PTPN20: variants seen among roughly 807,000 people sequenced by gnomAD.
PTPN20 encodes the protein protein tyrosine phosphatase non-receptor type 20.
A neutral mutation model predicts 35.0 loss-of-function variants in PTPN20; 9 were observed. The ratio of observed to expected loss-of-function variants is 0.26; its 90% CI spans 0.15 to 0.45. The LOEUF (loss-of-function observed/expected upper bound fraction) is 0.45, where lower values mean the gene tolerates loss of function less well. Ranked by LOEUF, PTPN20 falls within the 20% of genes least tolerant of loss-of-function variation. The pLI, the probability that PTPN20 is intolerant of heterozygous loss-of-function variation, is 1.00. For missense variants in PTPN20, 111 were observed against 312.5 expected, an observed-to-expected ratio of 0.36 and a Z score of 4.86; for synonymous variants, 32 against 100.2, an observed-to-expected ratio of 0.32 and a Z score of 4.06.
intron 1 of PTPN20, chr10:46,925,910 A>G (rs1255544513): frequency 8.4e-6 from 8 of 956,542 alleles, no homozygotes; most frequent in South Asian, 4.8e-5. Flanking sequence ...GCATATGTGG[A>G]CCCATGGGTA....
chr10:46,997,997 T>C lies in PTPN20; in HGVS notation c.1135-1915T>C, dbSNP rs552522664. Among the ~76,000 whole-genome samples, 433 of 152,304 alleles carry C rather than the reference T, an allele frequency of 2.8e-3. 1 individual carries two copies. Among genetic ancestry groups the C allele is most frequent in the South Asian group, 7.0e-3 (34 of 4,824 alleles). On this transcript the variant is annotated intron_variant, in intron 9 of 10. Coordinates refer to ENST00000374339, the MANE Select transcript of PTPN20 (RefSeq NM_001042357.5). ...CTGTATTGCTCATACATTACCCATA[T>C]GTATGAGACATTGGGAATGTAGACT...
chr10:46,975,592 T>A (rs1360696158), intron 7 of PTPN20, among the ~76,000 whole-genome samples: 3 of 152,028 alleles, frequency 2.0e-5, no homozygotes, highest in Non-Finnish European at 4.4e-5. Context: ...GAGAGAGATC[T>A]GGGATTCAAA....
At chr10:46,999,313 G>T (rs972849037) in intron 9 of PTPN20, among the ~76,000 whole-genome samples, 1 of 152,120 alleles carries the variant, frequency 6.6e-6, no homozygotes, top group Non-Finnish European at 1.5e-5. Flanking sequence ...CACCTGAGCT[G>T]GTCTATATCC....
intron 5 of PTPN20, among the ~76,000 whole-genome samples, chr10:46,950,907 G>T (rs2046432657): frequency 6.6e-6 from 1 of 151,392 alleles, no homozygotes; most frequent in Non-Finnish European, 1.5e-5. Flanking sequence ...TATTATATAG[G>T]TTAAGACATA....
intron 7 of PTPN20, among the ~76,000 whole-genome samples, chr10:46,968,435 G>A (rs1366311522): frequency 1.3e-5 from 2 of 150,738 alleles, no homozygotes; most frequent in Admixed American, 6.6e-5. Context: ...AGAGCTATTT[G>A]CATCCTTCAT....
intron 7 of PTPN20, among the ~76,000 whole-genome samples, chr10:46,976,796 C>T (rs1245621175): frequency 1.5e-5 from 2 of 135,334 alleles, no homozygotes; most frequent in African/African-American, 2.7e-5. Context: ...CTTATAAAAC[C>T]TTTTCTCGTT....
chr10:46,984,143 G>T, intron 7 of PTPN20, 87 bp from the exon 8 acceptor site: 1 of 997,426 alleles, frequency 1.0e-6, no homozygotes, highest in South Asian at 1.3e-5. Flanking sequence ...GAGATATATG[G>T]ATTTACATGT....
chr10:46,959,590 G>T (rs1479310316), intron 5 of PTPN20, among the ~76,000 whole-genome samples: 2 of 132,250 alleles, frequency 1.5e-5, no homozygotes, highest in South Asian at 2.5e-4. Flanking sequence ...TTGCCTTACT[G>T]TCTCCTTTTG....
chr10:46,996,476 A>G (rs2059125684), intron 9 of PTPN20, among the ~76,000 whole-genome samples: 1 of 152,214 alleles, frequency 6.6e-6, no homozygotes, highest in Admixed American at 6.5e-5. Flanking sequence ...TAAAGAAGTT[A>G]CAGTTTTTAA....
intron 9 of PTPN20, among the ~76,000 whole-genome samples, chr10:46,995,238 T>G (rs2058832662): frequency 6.6e-6 from 1 of 152,122 alleles, no homozygotes; most frequent in African/African-American, 2.4e-5. Flanking sequence ...GGATTAGTTA[T>G]TTATTCCAGT....
At chr10:46,994,624 G>A (rs977190632) in intron 9 of PTPN20, among the ~76,000 whole-genome samples, 13 of 152,112 alleles carry the variant, frequency 8.5e-5, no homozygotes, top group East Asian at 3.9e-4. Context: ...GTGAGCCACC[G>A]CGCCCGGCCC....
At chr10:46,940,045 A>G (rs1371578593) in intron 2 of PTPN20, among the ~76,000 whole-genome samples, 8 of 151,998 alleles carry the variant, frequency 5.3e-5, no homozygotes, top group South Asian at 2.1e-4. Flanking sequence ...TTGGCTTCTT[A>G]TCTGAAAGAG....
At chr10:46,959,217 G>A (rs2049189519) in intron 5 of PTPN20, among the ~76,000 whole-genome samples, 1 of 127,312 alleles carries the variant, frequency 7.9e-6, no homozygotes, top group Admixed American at 7.8e-5. Context: ...ACTGTTATAT[G>A]TTCTTGCTGT....
intron 6 of PTPN20, among the ~76,000 whole-genome samples, chr10:46,965,932 T>TG (rs2050453148): frequency 1.4e-5 from 1 of 72,482 alleles, no homozygotes; most frequent in Non-Finnish European, 2.5e-5. Context: ...CTCTTTTTTT[T>TG]TTTGAGATGA....
intron 9 of PTPN20, among the ~76,000 whole-genome samples, chr10:46,994,322 CTTTTTTTTTTTTTT>C (rs36049729): frequency 3.0e-5 from 2 of 66,320 alleles, no homozygotes; most frequent in Admixed American, 4.2e-4. Flanking sequence ...CTCTGATGCT[CTTTTTTTTTTTTTT>C]TTTTTTTTTT....
chr10:46,959,610 G>T, intron 5 of PTPN20, among the ~76,000 whole-genome samples: 2 of 125,766 alleles, frequency 1.6e-5, no homozygotes, highest in African/African-American at 6.6e-5. Context: ...GTATTTAGTT[G>T]CCTTTTGTAA....
rs1156777104 is a variant in PTPN20 at position 46,931,485 on chromosome 10, T to C, written c.-123-892T>C. 1.6e-4 allele frequency among the ~76,000 whole-genome samples: 23 copies of C among 141,378 alleles called. 1 individual carries two copies. The highest frequency in any genetic ancestry group is 2.6e-4 in the Non-Finnish European group (17 of 66,618). 92.7% of individuals were successfully genotyped at this position (141,378 alleles called of 152,430 possible). ...ATGATCTTGGCTCACTGTATCCTCC[T>C]CCCAGGCTCAAGCCATTCTCCTACC... On this transcript the variant is annotated intron_variant, in intron 1 of 10. Transcript: ENST00000374339.
At chr10:46,937,483 AT>A (rs2042027192) in intron 2 of PTPN20, among the ~76,000 whole-genome samples, 2 of 152,058 alleles carry the variant, frequency 1.3e-5, no homozygotes, top group South Asian at 4.2e-4. Context: ...AGTTACAGGA[AT>A]TTTAGTTCAC....
intron 9 of PTPN20, among the ~76,000 whole-genome samples, chr10:46,998,428 T>C (rs1308982967): frequency 1.3e-5 from 2 of 152,174 alleles, no homozygotes; most frequent in African/African-American, 4.8e-5. Flanking sequence ...CTATTTCTTC[T>C]TGAAATAGCA....
Sources: allele counts gnomAD v4.1 joint callset (sites outside exome capture counted in the v4.1 genomes callset), GRCh38; gene constraint gnomAD v4.1.1; transcripts MANE v1.5; gene names NCBI Gene and HGNC (gene_info 2026-07-23, HGNC 2026-07-21).